The following DZIP3 variants were observed in gnomAD, a reference collection of about 807,000 sequenced individuals.
DZIP3 encodes DAZ interacting zinc finger protein 3.
DZIP3 carries 118 observed loss-of-function variants against 162.0 expected under a neutral mutation model. That is an observed-to-expected ratio of 0.73 (90% CI 0.63 to 0.85). DZIP3 has a LOEUF of 0.85. Among genes scored for constraint, DZIP3 ranks in the 40% least tolerant of loss-of-function variants. The pLI is 0.00. For missense variants in DZIP3, 1,331 were observed against 1,407.0 expected (o/e 0.95, Z 0.86); for synonymous variants, 438 against 458.6 (o/e 0.96, Z 0.57).
At chr3:108,599,479 A>G (rs1939879913) in intron 1 of DZIP3, among the ~76,000 whole-genome samples, 1 of 152,254 alleles carries the variant, frequency 6.6e-6, no homozygotes, top group African/African-American at 2.4e-5. Flanking sequence ...TTGCTAATAC[A>G]AAATAATGGT....
intron 5 of DZIP3, among the ~76,000 whole-genome samples, chr3:108,622,880 C>CTCTCTCTGTGTGTGTGTG (rs796232998): frequency 7.5e-5 from 4 of 53,082 alleles, no homozygotes; most frequent in African/African-American, 2.3e-4. Flanking sequence ...CTCTCTCTCT[C>CTCTCTCTGTGTGTGTGTG]TGTGTGTGTG....
At chr3:108,622,537 G>C (rs115565671) in intron 5 of DZIP3, among the ~76,000 whole-genome samples, 2 of 152,242 alleles carry the variant, frequency 1.3e-5, no homozygotes, top group South Asian at 4.1e-4. Flanking sequence ...GATGTCCATC[G>C]ATGTCTGGGC....
intron 3 of DZIP3, among the ~76,000 whole-genome samples, chr3:108,609,449 G>A (rs1940575440): frequency 6.6e-6 from 1 of 152,120 alleles, no homozygotes; most frequent in South Asian, 2.1e-4. Flanking sequence ...AAAAAGCAAG[G>A]AAGGTGGACA....
intron 21 of DZIP3, 96 bp downstream of exon 21, chr3:108,662,353 C>A (rs1943478366): frequency 7.1e-7 from 1 of 1,401,182 alleles, no homozygotes. Flanking sequence ...GGCACTGTGA[C>A]TACACATTAG....
chr3:108,593,369 A>G (rs1483619249), intron 1 of DZIP3, among the ~76,000 whole-genome samples: 1 of 152,176 alleles, frequency 6.6e-6, no homozygotes, highest in African/African-American at 2.4e-5. Flanking sequence ...AGTAGTAACA[A>G]TCCTATGTTT....
intron 12 of DZIP3, among the ~76,000 whole-genome samples, chr3:108,638,596 C>T (rs570335689): frequency 6.6e-6 from 1 of 152,218 alleles, no homozygotes; most frequent in East Asian, 1.9e-4. Flanking sequence ...GGATTACAGG[C>T]GTGAGCCACT....
At chr3:108,599,058 A>T (rs996265768) in intron 1 of DZIP3, among the ~76,000 whole-genome samples, 1 of 152,264 alleles carries the variant, frequency 6.6e-6, no homozygotes, top group Non-Finnish European at 1.5e-5. Flanking sequence ...AACCTGCTTA[A>T]GACAAGATGT....
rs1444676723 is a variant in DZIP3, at chr3:108,668,162, T to C, written c.2424-1519T>C. Among the ~76,000 whole-genome samples the C allele has an allele frequency of 2.6e-5, 4 of 152,084 alleles. No homozygotes were observed. The East Asian group carries it at 7.7e-4, about 29-fold the overall frequency. On this transcript the variant is annotated intron_variant, in intron 21 of 32. Coordinates refer to ENST00000361582, the MANE Select transcript of DZIP3 (RefSeq NM_014648.4). ...TTTGGCAAATATTTGTTGATGACAG[T>C]TGAAGTGTTAACAAAGAAGATTTTA...
intron 7 of DZIP3, among the ~76,000 whole-genome samples, chr3:108,628,009 G>T (rs1260422458): frequency 6.6e-6 from 1 of 151,808 alleles, no homozygotes; most frequent in Non-Finnish European, 1.5e-5. Context: ...CTCCCAAGTA[G>T]CTGGGATTAC....
At chr3:108,672,952 A>G (rs1290039507) in intron 23 of DZIP3, among the ~76,000 whole-genome samples, 1 of 151,936 alleles carries the variant, frequency 6.6e-6, no homozygotes, top group Non-Finnish European at 1.5e-5. Flanking sequence ...CATGAAGCCA[A>G]GTCACTAAGC....
chr3:108,631,061 T>TCTCA (rs1941858283), intron 8 of DZIP3, among the ~76,000 whole-genome samples: 1 of 54,252 alleles, frequency 1.8e-5, no homozygotes, highest in Admixed American at 1.9e-4. Flanking sequence ...ACACACTCTC[T>TCTCA]CTCTCTCTCT....
intron 1 of DZIP3, among the ~76,000 whole-genome samples, chr3:108,602,038 C>A (rs556375187): frequency 3.9e-5 from 6 of 152,144 alleles, no homozygotes; most frequent in Non-Finnish European, 8.8e-5. Flanking sequence ...CAGTGATTAT[C>A]TTTCCAGGCG....
At chr3:108,663,279 G>A (rs1371039570) in intron 21 of DZIP3, among the ~76,000 whole-genome samples, 4 of 152,106 alleles carry the variant, frequency 2.6e-5, no homozygotes, top group East Asian at 1.9e-4. Context: ...ACTTTAGGCC[G>A]GATGCGGTGG....
intron 1 of DZIP3, among the ~76,000 whole-genome samples, chr3:108,598,968 A>G (rs1316135175): frequency 6.6e-6 from 1 of 152,220 alleles, no homozygotes; most frequent in Non-Finnish European, 1.5e-5. Context: ...CAACTATTCA[A>G]AACAAATTAA....
intron 5 of DZIP3, among the ~76,000 whole-genome samples, chr3:108,616,896 A>T (rs78090801): frequency 6.6e-6 from 1 of 152,248 alleles, no homozygotes; most frequent in East Asian, 1.9e-4. Flanking sequence ...TAATAAGCCT[A>T]TTCTAGTCTC....
chr3:108,676,884 T>C (rs555696209), intron 25 of DZIP3, among the ~76,000 whole-genome samples: 4 of 152,206 alleles, frequency 2.6e-5, no homozygotes, highest in Admixed American at 1.3e-4. Context: ...TACAAAATAA[T>C]ATGGTAAGCA....
intron 6 of DZIP3, among the ~76,000 whole-genome samples, chr3:108,625,591 ATCT>A (rs1166129714): frequency 6.6e-6 from 1 of 152,198 alleles, no homozygotes; most frequent in Non-Finnish European, 1.5e-5. Context: ...TTTTGTTACC[ATCT>A]TAATATTCAC....
intron 10 of DZIP3, among the ~76,000 whole-genome samples, chr3:108,635,777 C>T (rs1420014524): frequency 6.6e-6 from 1 of 151,074 alleles, no homozygotes; most frequent in Admixed American, 6.6e-5. Context: ...GAATTAATTA[C>T]TCTTTAGTGA....
intron 31 of DZIP3, among the ~76,000 whole-genome samples, chr3:108,690,440 CTT>C (rs1158245546): frequency 6.6e-6 from 1 of 152,098 alleles, no homozygotes; most frequent in Non-Finnish European, 1.5e-5. Context: ...TTAGTTATGA[CTT>C]TTTCTGGATT....
Sources: gnomAD v4.1 joint callset for allele counts (sites outside exome capture counted in the v4.1 genomes callset) on GRCh38, gnomAD v4.1.1 for gene constraint, MANE v1.5 for transcripts, NCBI Gene and HGNC (gene_info 2026-07-23, HGNC 2026-07-21) for gene names.